Variants in MAP7 observed in about 807,000 individuals in gnomAD.
MAP7 encodes microtubule associated protein 7.
Under a neutral mutation model 94.8 loss-of-function variants are expected in MAP7, and 52 were observed. That is an observed-to-expected ratio of 0.55 (90% confidence interval 0.44 to 0.69). The LOEUF (loss-of-function observed/expected upper bound fraction) is 0.69. Among genes scored for constraint, MAP7 ranks in the 30% least tolerant of loss-of-function variants. MAP7 has a pLI of 0.00. For synonymous variants in MAP7, 350 were observed against 357.0 expected (o/e 0.98, Z 0.22); for missense variants, 940 against 964.6 (o/e 0.97, Z 0.34).
intron 1 of MAP7, among the ~76,000 whole-genome samples, chr6:136,516,004 A>T (rs920397276): frequency 1.3e-5 from 2 of 152,138 alleles, no homozygotes; most frequent in African/African-American, 4.8e-5. Context: ...GCACAGTGTG[A>T]ATCTGACAGA....
At chr6:136,411,162 T>TTA (rs1787317029) in intron 3 of MAP7, among the ~76,000 whole-genome samples, 2 of 152,186 alleles carry the variant, frequency 1.3e-5, no homozygotes, top group South Asian at 4.1e-4. Flanking sequence ...CACAAGGGCC[T>TTA]TGGGTAATAA....
At chr6:136,500,435 C>T (rs934044005) in intron 1 of MAP7, among the ~76,000 whole-genome samples, 7 of 152,168 alleles carry the variant, frequency 4.6e-5, no homozygotes, top group African/African-American at 1.2e-4. Flanking sequence ...CATCTAAGTG[C>T]GTCTGTACAC....
At chr6:136,447,518 G>A (rs1039344089) in intron 1 of MAP7, among the ~76,000 whole-genome samples, 5 of 151,966 alleles carry the variant, frequency 3.3e-5, no homozygotes, top group African/African-American at 1.2e-4. Flanking sequence ...AACACTTTTA[G>A]AACAATGGAG....
chr6:136,367,947 G>A (rs953680072), intron 8 of MAP7, among the ~76,000 whole-genome samples: 2 of 152,004 alleles, frequency 1.3e-5, no homozygotes, highest in Non-Finnish European at 2.9e-5. Flanking sequence ...GATGTAAATG[G>A]GAAAAAGACT....
chr6:136,407,836 C>A (rs1368231964), intron 3 of MAP7, among the ~76,000 whole-genome samples: 1 of 152,096 alleles, frequency 6.6e-6, no homozygotes. Context: ...AACCTAGGGT[C>A]TCTAGCAGAA....
chr6:136,375,767 C>T (rs1366586382), intron 7 of MAP7, among the ~76,000 whole-genome samples: 1 of 151,956 alleles, frequency 6.6e-6, no homozygotes, highest in Non-Finnish European at 1.5e-5. Context: ...CTCTTTCACA[C>T]TAAAATAAAT....
chr6:136,405,848 T>C (rs1785428494), intron 3 of MAP7, among the ~76,000 whole-genome samples: 1 of 152,208 alleles, frequency 6.6e-6, no homozygotes, highest in Admixed American at 6.5e-5. Flanking sequence ...TATTTGCTGA[T>C]GGATTGGTTA....
At chr6:136,427,589 A>G (rs1379718804) in intron 1 of MAP7, among the ~76,000 whole-genome samples, 2 of 152,242 alleles carry the variant, frequency 1.3e-5, no homozygotes, top group African/African-American at 2.4e-5. Context: ...AATAACAATC[A>G]TGAACCATTT....
chr6:136,416,666 C>A (rs2128754509), intron 2 of MAP7, among the ~76,000 whole-genome samples: 1 of 152,154 alleles, frequency 6.6e-6, no homozygotes, highest in East Asian at 1.9e-4. Flanking sequence ...GTTAGCCAGG[C>A]ACAGTGGTGC....
At chr6:136,387,425 C>T (rs1446819241) in intron 5 of MAP7, among the ~76,000 whole-genome samples, 1 of 152,146 alleles carries the variant, frequency 6.6e-6, no homozygotes, top group African/African-American at 2.4e-5. Context: ...TTTATTTCAA[C>T]ACCTTTAAGT....
intron 1 of MAP7, among the ~76,000 whole-genome samples, chr6:136,530,287 C>T (rs1169997249): frequency 2.0e-5 from 3 of 152,164 alleles, no homozygotes; most frequent in Non-Finnish European, 4.4e-5. Context: ...ATTACAAGTT[C>T]CACGTATGTA....
intron 1 of MAP7, among the ~76,000 whole-genome samples, chr6:136,474,487 A>G (rs1810174634): frequency 6.6e-6 from 1 of 152,192 alleles, no homozygotes; most frequent in Non-Finnish European, 1.5e-5. Context: ...GGTAGTGCCA[A>G]CAGCGTTTTT....
chr6:136,550,013 G>A lies in MAP7; in HGVS notation c.67+329C>T, dbSNP rs928580017. Among the ~76,000 whole-genome samples, 6 of 152,134 alleles carry A rather than the reference G, an allele frequency of 3.9e-5. No homozygotes were observed. Among genetic ancestry groups the A allele is most frequent in the Non-Finnish European group, 8.8e-5 (6 of 67,986 alleles). ...TTTCCCATTCAACTGAATTAGACCCGAGGCCGCGGCGGGGAGGGCAGCGGC... is the reference window on the plus strand; with the variant it reads ...TTTCCCATTCAACTGAATTAGACCCAAGGCCGCGGCGGGGAGGGCAGCGGC... On this transcript the variant is annotated intron_variant, in intron 1 of 17. Transcript: ENST00000354570. This position sits in a 1 kb window ranked among gnomAD's most constrained non-coding sequence, Gnocchi z 5.1.
At position 136,436,775 on chromosome 6, in the gene MAP7, T is replaced by C. The variant is rs1265983451; in HGVS notation, c.68-14976A>G. 3.3e-5 allele frequency among the ~76,000 whole-genome samples: 5 copies of C among 152,344 alleles called. No individual in the cohort carries two copies. In the East Asian group the frequency reaches 7.7e-4, roughly 23 times the overall value. ...CTGAAAACAGGAAAGATTCAAAGAA[T>C]AGCTAATAGCAGTCTTATTACTGAG... On this transcript the variant is annotated intron_variant, in intron 1 of 17. Coordinates refer to ENST00000354570, the MANE Select transcript of MAP7 (RefSeq NM_003980.6).
intron 1 of MAP7, among the ~76,000 whole-genome samples, chr6:136,465,210 G>A (rs1806582916): frequency 6.6e-6 from 1 of 152,080 alleles, no homozygotes; most frequent in Non-Finnish European, 1.5e-5. Flanking sequence ...GGAAAACTAG[G>A]ACCAAAATCA....
intron 1 of MAP7, among the ~76,000 whole-genome samples, chr6:136,535,796 T>G (rs1262477936): frequency 2.0e-5 from 3 of 151,944 alleles, no homozygotes; most frequent in African/African-American, 4.8e-5. Context: ...GTGCACAATG[T>G]GCAGGTTTGT....
chr6:136,350,058 G>T (rs1001664396), intron 16 of MAP7, among the ~76,000 whole-genome samples: 2 of 152,176 alleles, frequency 1.3e-5, no homozygotes, highest in African/African-American at 4.8e-5. Context: ...TAGGAAAAGT[G>T]ATACTTCTCT....
At chr6:136,466,969 G>A (rs1281938678) in intron 1 of MAP7, 6 of 1,230,166 alleles carry the variant, frequency 4.9e-6, no homozygotes, top group South Asian at 4.9e-5. Context: ...CATACAACTC[G>A]ACAGCCACTG....
At chr6:136,400,277 G>A (rs537075656) in intron 3 of MAP7, among the ~76,000 whole-genome samples, 19 of 152,018 alleles carry the variant, frequency 1.2e-4, no homozygotes, top group African/African-American at 2.2e-4. Context: ...TTAGCCAGGC[G>A]TGGTGGTGGG....
Sources: gnomAD v4.1 joint callset for allele counts (sites outside exome capture counted in the v4.1 genomes callset) on GRCh38, gnomAD v4.1.1 for gene constraint, Gnocchi (gnomAD v3.1) non-coding constraint, MANE v1.5 for transcripts, NCBI Gene and HGNC (gene_info 2026-07-23, HGNC 2026-07-21) for gene names.